Variants in ANKS1A observed in about 807,000 individuals in gnomAD.
The protein encoded by ANKS1A is ankyrin repeat and sterile alpha motif domain containing 1A.
Under a neutral mutation model 120.3 loss-of-function variants are expected in ANKS1A, and 55 were observed. The ratio of observed to expected loss-of-function variants is 0.46; its 90% CI spans 0.37 to 0.57. ANKS1A has a LOEUF of 0.57. ANKS1A is among the 20% of genes least tolerant of loss of function. ANKS1A has a pLI of 0.00. For synonymous variants in ANKS1A, 590 were observed against 604.7 expected (o/e 0.98, Z 0.36); for missense variants, 1,123 against 1,480.3 (o/e 0.76, Z 3.96).
chr6:35,090,646 T>C lies in ANKS1A; in HGVS notation c.*2037T>C, dbSNP rs1168595636. The C allele has an allele frequency of 1.5e-5, 15 of 991,706 alleles. No individual in the cohort carries two copies. Among genetic ancestry groups the C allele is most frequent in the Non-Finnish European group, 1.8e-5 (15 of 834,042 alleles). 61.4% of individuals were successfully genotyped at this position (991,706 alleles called of 1,614,324 possible). Reference sequence around the variant, plus strand: ...GACTGGGCCTTTCTTTCTTTTCTTCTCCTCTGGGATGGGTAGTCTCCCTTT... The same window carrying C: ...GACTGGGCCTTTCTTTCTTTTCTTCCCCTCTGGGATGGGTAGTCTCCCTTT... On this transcript the variant is annotated 3_prime_UTR_variant, in exon 24 of 24. Transcript: ENST00000360359.
chr6:34,908,355 G>A (rs1186900844), intron 1 of ANKS1A, among the ~76,000 whole-genome samples: 1 of 152,196 alleles, frequency 6.6e-6, no homozygotes, highest in East Asian at 1.9e-4. Context: ...AGACCTGTTT[G>A]CCCAGCAGTG....
chr6:35,057,293 G>GGTAT lies in ANKS1A; in HGVS notation c.2078-2852_2078-2849dup, dbSNP rs1776269472. On this transcript the variant is annotated intron_variant, in intron 12 of 23. Coordinates refer to ENST00000360359, the MANE Select transcript of ANKS1A (RefSeq NM_015245.3). The surrounding 1 kb of genome is among the most constrained non-coding windows in gnomAD (Gnocchi z 4.1). ...ACTCCCATTCTCAGGAGTCCAGGAG[G>GGTAT]GTATGCCTTCCCACTGGCCCAGGCC... is the stretch of plus-strand genomic sequence containing the variant. Among the ~76,000 whole-genome samples the GGTAT allele has an allele frequency of 6.6e-6, 1 of 152,082 alleles. No homozygotes were observed. Among genetic ancestry groups the GGTAT allele is most frequent in the Admixed American group, 6.5e-5 (1 of 15,278 alleles).
At chr6:34,978,007 G>C in intron 3 of ANKS1A, among the ~76,000 whole-genome samples, 1 of 151,786 alleles carries the variant, frequency 6.6e-6, no homozygotes, top group East Asian at 1.9e-4. Context: ...CACCCAGGCT[G>C]GAGTGCAGTG....
At chr6:35,095,416 A>G (rs112158958), downstream of ANKS1A, among the ~76,000 whole-genome samples, 1,411 of 151,680 alleles carry the variant, frequency 9.3e-3, 8 homozygotes, top group African/African-American at 0.019. Flanking sequence ...AATGAGCCAG[A>G]CATGGCGGTG....
At chr6:34,956,524 A>G (rs1265306549) in intron 1 of ANKS1A, among the ~76,000 whole-genome samples, 1 of 152,142 alleles carries the variant, frequency 6.6e-6, no homozygotes, top group African/African-American at 2.4e-5. Context: ...TTAATATTAT[A>G]TAGGGTTATG....
chr6:35,024,911 A>G (rs1774536687), intron 11 of ANKS1A, among the ~76,000 whole-genome samples: 1 of 152,220 alleles, frequency 6.6e-6, no homozygotes, highest in Non-Finnish European at 1.5e-5. Flanking sequence ...ATATTCTGCA[A>G]TGTGCATTGT....
At chr6:34,947,273 G>A (rs1769851397) in intron 1 of ANKS1A, among the ~76,000 whole-genome samples, 5 of 150,760 alleles carry the variant, frequency 3.3e-5, no homozygotes, top group Admixed American at 1.3e-4. Context: ...AGCCTTTCGA[G>A]TAGCTTGGGA....
intron 1 of ANKS1A, among the ~76,000 whole-genome samples, chr6:34,911,575 C>T (rs1561842850): frequency 6.6e-6 from 1 of 152,148 alleles, no homozygotes; most frequent in African/African-American, 2.4e-5. Context: ...GGACTATGTG[C>T]ATAGGATTGA....
At chr6:34,924,397 A>G (rs536151628) in intron 1 of ANKS1A, among the ~76,000 whole-genome samples, 1 of 152,294 alleles carries the variant, frequency 6.6e-6, no homozygotes, top group South Asian at 2.1e-4. Context: ...GAGCATAGCT[A>G]GCTGCCTTCC....
At chr6:35,076,189 C>T (rs1275571373) in intron 13 of ANKS1A, among the ~76,000 whole-genome samples, 4 of 152,128 alleles carry the variant, frequency 2.6e-5, no homozygotes, top group East Asian at 1.9e-4. Flanking sequence ...TTTGGGAGGC[C>T]GAGATGGGCG....
intron 10 of ANKS1A, among the ~76,000 whole-genome samples, chr6:35,017,160 T>C (rs1164275310): frequency 1.3e-5 from 2 of 152,154 alleles, no homozygotes; most frequent in African/African-American, 4.8e-5. Flanking sequence ...TCTCGCCTTA[T>C]ATAGCAAGGT....
intron 3 of ANKS1A, among the ~76,000 whole-genome samples, chr6:34,971,821 A>G (rs1276566939): frequency 6.6e-6 from 1 of 152,186 alleles, no homozygotes; most frequent in Non-Finnish European, 1.5e-5. Context: ...TTGTGTGTAT[A>G]TAGCTGTTAA....
intron 3 of ANKS1A, among the ~76,000 whole-genome samples, chr6:34,976,780 G>GTA (rs1771620507): frequency 4.6e-5 from 1 of 21,620 alleles, no homozygotes; most frequent in African/African-American, 7.2e-5. Flanking sequence ...GTGTGTGCGT[G>GTA]TGTGTGTGTG....
intron 20 of ANKS1A, among the ~76,000 whole-genome samples, 191 bp downstream of exon 20, chr6:35,083,694 GC>G (rs1242296688): frequency 6.6e-6 from 1 of 152,148 alleles, no homozygotes; most frequent in African/African-American, 2.4e-5. Flanking sequence ...CCTGCTGTCA[GC>G]CCCGTCCCCG....
chr6:34,917,196 A>T (rs939970368), intron 1 of ANKS1A, among the ~76,000 whole-genome samples: 1 of 152,194 alleles, frequency 6.6e-6, no homozygotes, highest in Non-Finnish European at 1.5e-5. Flanking sequence ...GAGAAGGAAG[A>T]AGGCTTTGAA....
intron 11 of ANKS1A, among the ~76,000 whole-genome samples, chr6:35,031,310 C>T (rs925642593): frequency 7.5e-4 from 114 of 152,190 alleles, no homozygotes; most frequent in African/African-American, 2.6e-3. Flanking sequence ...CACCTAACAG[C>T]GTAATCGCCT....
intron 13 of ANKS1A, among the ~76,000 whole-genome samples, chr6:35,067,821 ATGTTTCCCCC>A: frequency 6.7e-6 from 1 of 149,866 alleles, no homozygotes; most frequent in Non-Finnish European, 1.5e-5. Flanking sequence ...CAGTGGCCTT[ATGTTTCCCCC>A]TGAGGTGATA....
At chr6:34,996,688 G>A (rs927127665) in intron 10 of ANKS1A, among the ~76,000 whole-genome samples, 1 of 152,138 alleles carries the variant, frequency 6.6e-6, no homozygotes, top group Non-Finnish European at 1.5e-5. Flanking sequence ...GGCCAGGATG[G>A]TCTCGATCTC....
the ANKS1A span, among the ~76,000 whole-genome samples, chr6:35,096,784 T>C: frequency 6.6e-5 from 10 of 152,340 alleles, no homozygotes; most frequent in African/African-American, 2.4e-4. Context: ...TGCCAGGTTT[T>C]CTGAGGCTCC....
Sources: gnomAD v4.1 joint callset for allele counts (sites outside exome capture counted in the v4.1 genomes callset) on GRCh38, gnomAD v4.1.1 for gene constraint, Gnocchi (gnomAD v3.1) non-coding constraint, MANE v1.5 for transcripts, NCBI Gene and HGNC (gene_info 2026-07-23, HGNC 2026-07-21) for gene names.